Variants in RARB observed in about 807,000 individuals in gnomAD.
RARB encodes the protein HBV-activated protein.
In RARB, 17 loss-of-function variants were observed where a neutral mutation model predicts 51.9. The ratio of observed to expected loss-of-function variants is 0.33; its 90% CI spans 0.22 to 0.49. The LOEUF (loss-of-function observed/expected upper bound fraction) is 0.49, where lower values mean the gene tolerates loss of function less well. Among genes scored for constraint, RARB ranks in the 20% least tolerant of loss-of-function variants. The pLI is 0.99. For missense variants in RARB, 369 were observed against 550.8 expected, an observed-to-expected ratio of 0.67 and a Z score of 3.30; for synonymous variants, 215 against 195.4, an observed-to-expected ratio of 1.10 and a Z score of -0.84.
At chr3:25,327,328 A>G in intron 5 of RARB, among the ~76,000 whole-genome samples, 1 of 152,148 alleles carries the variant, frequency 6.6e-6, no homozygotes, top group East Asian at 1.9e-4. Context: ...TTTTAAAAAG[A>G]TTCACATCAA....
intron 2 of RARB, among the ~76,000 whole-genome samples, chr3:25,055,919 C>T (rs781406503): frequency 9.9e-5 from 15 of 152,084 alleles, no homozygotes; most frequent in Non-Finnish European, 1.3e-4. Flanking sequence ...GATCTGGGGA[C>T]ATGTGGGCAG....
In RARB at chr3:25,570,294, G is replaced by A. The variant is rs75344925; in HGVS notation, c.609+376G>A. Among the ~76,000 whole-genome samples the A allele has an allele frequency of 3.5e-3, 535 of 152,330 alleles. 4 individuals carry two copies. The highest frequency in any genetic ancestry group is 0.012 in the African/African-American group (511 of 41,564). On this transcript the variant is annotated intron_variant, in intron 4 of 7. Transcript: ENST00000330688. Reference sequence around the variant, plus strand: ...AGGAAACAAGTAAAGCCAGTGAAGCGTTACATGGGTCATGACGGACCTCTG... The same window carrying A: ...AGGAAACAAGTAAAGCCAGTGAAGCATTACATGGGTCATGACGGACCTCTG...
chr3:24,995,722 ATCGTATGGTTTT>A (rs1199760572), intron 2 of RARB, among the ~76,000 whole-genome samples: 1 of 152,144 alleles, frequency 6.6e-6, no homozygotes, highest in Non-Finnish European at 1.5e-5. Flanking sequence ...TATTGAGATG[ATCGTATGGTTTT>A]TGTACTTTAT....
At chr3:24,959,271 G>T (rs374574945) in intron 2 of RARB, among the ~76,000 whole-genome samples, 7 of 152,126 alleles carry the variant, frequency 4.6e-5, no homozygotes, top group African/African-American at 1.4e-4. Context: ...GAAAAATCAG[G>T]TCACATGAAT....
intron 2 of RARB, among the ~76,000 whole-genome samples, chr3:24,995,524 G>C (rs12629729): frequency 0.2 from 30,263 of 151,902 alleles, 3,491 homozygotes; most frequent in East Asian, 0.41. Flanking sequence ...AGTGGTGAGA[G>C]TGGGCATTCT....
At chr3:24,876,500 T>A (rs1254287110) in intron 2 of RARB, among the ~76,000 whole-genome samples, 1 of 152,190 alleles carries the variant, frequency 6.6e-6, no homozygotes, top group Admixed American at 6.5e-5. Context: ...CTCAGTCCTA[T>A]GAAGCATAAA....
chr3:24,980,974 C>T (rs62230585), intron 2 of RARB, among the ~76,000 whole-genome samples: 107,594 of 151,902 alleles, frequency 0.71, 38,434 homozygotes, highest in East Asian at 0.93. Context: ...TTTGTTGATG[C>T]TGATGCTATT....
intron 5 of RARB, among the ~76,000 whole-genome samples, chr3:25,306,432 G>C (rs142415936): frequency 1.1e-3 from 161 of 151,866 alleles, no homozygotes; most frequent in African/African-American, 3.7e-3. Context: ...TACATGTAAT[G>C]TGTTATTGAT....
In RARB at chr3:25,212,313, A is replaced by G. The variant is rs549506506; in HGVS notation, c.178+37738A>G. The stretch of plus-strand genomic sequence containing the variant: ...TAACAACTTTCTATTTACGTGACCT[A>G]TGTTACATTAGAAAAAGTGTACTTG... On this transcript the variant is annotated intron_variant, in intron 5 of 11. Coordinates refer to the RARB transcript ENST00000383772. Among the ~76,000 whole-genome samples the G allele has an allele frequency of 5.3e-5, 8 of 152,306 alleles. No individual in the cohort carries two copies. The South Asian group carries it at 1.4e-3, about 28-fold the overall frequency.
chr3:25,123,307 T>A lies in RARB; in HGVS notation c.-327-8854T>A, dbSNP rs76978989. ...CAATTTTCAGGACTGAGCATCTGTT[T>A]AGGGGTGGAATAGTCATAGAATTTT... On this transcript the variant is annotated intron_variant, in intron 3 of 11. Transcript: ENST00000383772. Among the ~76,000 whole-genome samples the A allele has an allele frequency of 6.6e-3, 1,003 of 152,284 alleles. 8 individuals carry two copies. The highest frequency in any genetic ancestry group is 0.022 in the African/African-American group (915 of 41,570).
chr3:24,914,373 T>TG (rs1352585602), intron 2 of RARB, among the ~76,000 whole-genome samples: 1 of 152,112 alleles, frequency 6.6e-6, no homozygotes, highest in East Asian at 1.9e-4. Flanking sequence ...GCAGGAATAT[T>TG]GGGGGCAGGG....
At chr3:25,536,508 A>G (rs1292217643) in intron 3 of RARB, among the ~76,000 whole-genome samples, 1 of 152,228 alleles carries the variant, frequency 6.6e-6, no homozygotes. Context: ...TGGAATTGAG[A>G]CACTTGAAGG....
At chr3:25,103,322 T>C (rs565980942) in intron 3 of RARB, among the ~76,000 whole-genome samples, 31 of 152,304 alleles carry the variant, frequency 2.0e-4, no homozygotes, top group Non-Finnish European at 4.0e-4. Context: ...TGCACCGTTG[T>C]AAGTGACAGG....
chr3:25,214,005 G>C (rs1479348978), intron 5 of RARB, among the ~76,000 whole-genome samples: 1 of 152,176 alleles, frequency 6.6e-6, no homozygotes, highest in African/African-American at 2.4e-5. Flanking sequence ...AAATAATCCA[G>C]AGATGCCAAC....
chr3:25,292,843 A>G (rs979910444), intron 5 of RARB, among the ~76,000 whole-genome samples: 8 of 152,162 alleles, frequency 5.3e-5, no homozygotes, highest in African/African-American at 1.4e-4. Flanking sequence ...GTCCTGCCCT[A>G]TTCGAGGCTG....
intron 5 of RARB, among the ~76,000 whole-genome samples, chr3:25,421,262 C>T (rs754499457): frequency 2.6e-4 from 40 of 152,002 alleles, no homozygotes; most frequent in Admixed American, 1.3e-4. Context: ...CCACCTGCAG[C>T]CTGAAATGTG....
intron 3 of RARB, among the ~76,000 whole-genome samples, chr3:25,548,649 A>AAG (rs1262124782): frequency 2.0e-5 from 3 of 151,586 alleles, no homozygotes; most frequent in Non-Finnish European, 4.4e-5. Flanking sequence ...CGACAAAAAA[A>AAG]AAAAAAAAAA....
intron 5 of RARB, among the ~76,000 whole-genome samples, chr3:25,413,550 T>C (rs1037344353): frequency 2.6e-5 from 4 of 152,244 alleles, no homozygotes; most frequent in Non-Finnish European, 5.9e-5. Flanking sequence ...CAGTAGATAC[T>C]GACAAATGAC....
intron 5 of RARB, among the ~76,000 whole-genome samples, chr3:25,215,334 T>C (rs1447995523): frequency 6.6e-6 from 1 of 152,214 alleles, no homozygotes; most frequent in East Asian, 1.9e-4. Flanking sequence ...GAAATAGAAG[T>C]GTTTGTGGGA....
Sources: gnomAD v4.1 joint callset for allele counts (sites outside exome capture counted in the v4.1 genomes callset) on GRCh38, gnomAD v4.1.1 for gene constraint, MANE v1.5 for transcripts, NCBI Gene and HGNC (gene_info 2026-07-23, HGNC 2026-07-21) for gene names.